The following PTPRU variants were observed in gnomAD, a reference collection of about 807,000 sequenced individuals.
PTPRU encodes receptor-type tyrosine-protein phosphatase U.
Under a neutral mutation model 166.3 loss-of-function variants are expected in PTPRU, and 69 were observed. That is an observed-to-expected ratio of 0.41 (90% CI 0.34 to 0.51). The LOEUF (loss-of-function observed/expected upper bound fraction) is 0.51, where lower values mean the gene tolerates loss of function less well. Among genes scored for constraint, PTPRU ranks in the 20% least tolerant of loss-of-function variants. The probability of loss-of-function intolerance (pLI) is 0.09; values close to 1 mark genes in which losing one functional copy is unlikely to be tolerated. For synonymous variants in PTPRU, 793 were observed against 814.0 expected (o/e 0.97, Z 0.44); for missense variants, 1,657 against 2,013.7 (o/e 0.82, Z 3.39).
intron 7 of PTPRU, among the ~76,000 whole-genome samples, chr1:29,270,264 C>T (rs1377049536): frequency 6.6e-6 from 1 of 152,086 alleles, no homozygotes; most frequent in Non-Finnish European, 1.5e-5. Context: ...TCATGTAACT[C>T]TCACATTTGC....
At chr1:29,273,672 G>A (rs1685672714) in intron 7 of PTPRU, among the ~76,000 whole-genome samples, 1 of 152,152 alleles carries the variant, frequency 6.6e-6, no homozygotes, top group Non-Finnish European at 1.5e-5. Context: ...CAAAGTGTTG[G>A]GATTACAGGC....
At position 29,320,941 on chromosome 1, in the gene PTPRU, G is replaced by A; in HGVS notation, c.3828+116G>A. On this transcript the variant is annotated intron_variant, in intron 26 of 29. Coordinates refer to ENST00000373779, the MANE Select transcript of PTPRU (RefSeq NM_133178.4). The surrounding 1 kb of genome is among the most constrained non-coding windows in gnomAD (Gnocchi z 5.2). Reference sequence around the variant, plus strand: ...CCCAGCTCTGCCATCTATTTATTGTGTGATGAATCATACACCTTCCCAGAG... The same window carrying A: ...CCCAGCTCTGCCATCTATTTATTGTATGATGAATCATACACCTTCCCAGAG... 8.3e-7 allele frequency: 1 copy of A among 1,211,528 alleles called. No homozygotes were observed. Among genetic ancestry groups the A allele is most frequent in the South Asian group, 2.0e-5 (1 of 49,814 alleles). 75.0% of individuals were successfully genotyped at this position (1,211,528 alleles called of 1,614,324 possible). A position where few individuals can be genotyped will look rare whatever the true frequency, so the allele number is the denominator to read the frequency against.
At chr1:29,276,400 C>T (rs558503111) in intron 8 of PTPRU, among the ~76,000 whole-genome samples, 4 of 152,206 alleles carry the variant, frequency 2.6e-5, no homozygotes, top group African/African-American at 4.8e-5. Context: ...ACTGCAGCCT[C>T]GACCTCCCAG....
intron 18 of PTPRU, chr1:29,307,073 C>G: frequency 1.3e-6 from 2 of 1,593,064 alleles, no homozygotes; most frequent in Non-Finnish European, 1.7e-6. Flanking sequence ...CCATCTGCCC[C>G]TGGCCTAATA....
Position 29,279,917 on chromosome 1 carries a change from AG to A in PTPRU, c.1766-120del, listed in dbSNP as rs1685983709. On this transcript the variant is annotated intron_variant, in intron 10 of 29. Transcript: ENST00000373779. This position sits in a 1 kb window ranked among gnomAD's most constrained non-coding sequence, Gnocchi z 5.2. ...CCAGGGTAGCTCAGGTCATGTCAGC[AG>A]GAACAAAGAGGCTAAGGCTGAAGTA... 9.1e-7 allele frequency: 1 copy of A among 1,096,894 alleles called. No homozygotes were observed. Among genetic ancestry groups the A allele is most frequent in the Non-Finnish European group, 1.3e-6 (1 of 758,174 alleles). The allele number at this position is 1,096,894 out of a possible 1,614,324, so 67.9% of individuals were successfully genotyped here.
At chr1:29,307,770 T>A (rs1447540841) in intron 18 of PTPRU, among the ~76,000 whole-genome samples, 1 of 96,894 alleles carries the variant, frequency 1.0e-5, no homozygotes, top group Non-Finnish European at 2.0e-5. Flanking sequence ...TTTTTTTTTT[T>A]TTTTTTTGAG....
intron 1 of PTPRU, 117 bp from the exon 2 acceptor site, chr1:29,255,158 A>T: frequency 1.6e-6 from 2 of 1,261,440 alleles, no homozygotes; most frequent in Non-Finnish European, 2.2e-6. Flanking sequence ...GAAGGGCCTG[A>T]AGAGAGGGAG....
intron 14 of PTPRU, among the ~76,000 whole-genome samples, chr1:29,288,256 G>A (rs570775188): frequency 2.6e-5 from 4 of 152,288 alleles, no homozygotes; most frequent in East Asian, 1.9e-4. Flanking sequence ...TGGGGAAACT[G>A]AGGGAGACAA....
intron 1 of PTPRU, among the ~76,000 whole-genome samples, chr1:29,239,606 A>G (rs140730638): frequency 0.01 from 1,581 of 152,176 alleles, 36 homozygotes; most frequent in African/African-American, 0.036. Flanking sequence ...CATGATTTTC[A>G]TCAGCTCAGC....
At chr1:29,316,217 A>G in intron 24 of PTPRU, 66 bp downstream of exon 24, 6 of 1,532,678 alleles carry the variant, frequency 3.9e-6, no homozygotes, top group African/African-American at 1.4e-5. Context: ...GGGCATCCTT[A>G]ATACTGCAGG....
In PTPRU at chr1:29,320,837, A is replaced by G; in HGVS notation, c.3828+12A>G. 6.4e-7 allele frequency: 1 copy of G among 1,559,398 alleles called. No individual in the cohort carries two copies. The highest frequency in any genetic ancestry group is 8.7e-7 in the Non-Finnish European group (1 of 1,144,108). Reference sequence around the variant, plus strand: ...CCAACTCCGCCTGGGTGAGGCCTCCACTGGCCAGGCCAATGGGCCGCCTGC... The same window carrying G: ...CCAACTCCGCCTGGGTGAGGCCTCCGCTGGCCAGGCCAATGGGCCGCCTGC... On this transcript the variant is annotated intron_variant, in intron 26 of 29. Transcript: ENST00000373779. This position sits in a 1 kb window ranked among gnomAD's most constrained non-coding sequence, Gnocchi z 5.2.
At chr1:29,248,945 C>T (rs548568754) in intron 1 of PTPRU, among the ~76,000 whole-genome samples, 12 of 152,300 alleles carry the variant, frequency 7.9e-5, no homozygotes, top group African/African-American at 1.7e-4. Context: ...TGCACACTCA[C>T]GCAACTGCAA....
intron 7 of PTPRU, among the ~76,000 whole-genome samples, chr1:29,262,979 A>AT (rs1553365848): frequency 6.6e-6 from 1 of 151,776 alleles, no homozygotes; most frequent in African/African-American, 2.4e-5. Flanking sequence ...CATTTATTTT[A>AT]TTATTTATTT....
In PTPRU at chr1:29,321,554, T is replaced by G. The variant is rs1688161315; in HGVS notation, c.3828+729T>G. ...CATTCCAGAGCTTCTGCTCTTTTAG[T>G]CACTCCACTAAAGCGCCCATCATGG... On this transcript the variant is annotated intron_variant, in intron 26 of 29. Coordinates refer to ENST00000373779, the MANE Select transcript of PTPRU (RefSeq NM_133178.4). 3.3e-5 allele frequency among the ~76,000 whole-genome samples: 5 copies of G among 152,350 alleles called. No homozygotes were observed. In the South Asian group the frequency reaches 1.0e-3, roughly 32 times the overall value.
intron 1 of PTPRU, among the ~76,000 whole-genome samples, chr1:29,247,967 C>T (rs929905753): frequency 6.6e-6 from 1 of 152,186 alleles, no homozygotes; most frequent in Non-Finnish European, 1.5e-5. Context: ...GGGCATACTG[C>T]TCCCAGCCCT....
rs192505872 is a variant in PTPRU at position 29,301,733 on chromosome 1, C to T, written c.2477-2122C>T. Among the ~76,000 whole-genome samples, 49 of 152,280 alleles carry T rather than the reference C, an allele frequency of 3.2e-4. 1 individual carries two copies. Among genetic ancestry groups the T allele is most frequent in the Admixed American group, 2.1e-3 (32 of 15,298 alleles). On this transcript the variant is annotated intron_variant, in intron 15 of 29. Coordinates refer to ENST00000373779, the MANE Select transcript of PTPRU (RefSeq NM_133178.4). ...TATCTCCTAATGCTATCCTTCCCCC[C>T]TCCCCTCATCCCATGACAGGCCCCG...
chr1:29,277,803 CTTTTTTTTTTTTTTTTTTTTTTT>C (rs71586898), intron 8 of PTPRU, among the ~76,000 whole-genome samples: 1 of 50,564 alleles, frequency 2.0e-5, no homozygotes. Flanking sequence ...AGTTGTCATT[CTTTTTTTTTTTTTTTTTTTTTTT>C]TTTTTTTTTT....
Position 29,260,121 on chromosome 1 carries a change from C to CG in PTPRU, c.850+82dup. The CG allele has an allele frequency of 1.5e-5, 5 of 336,474 alleles. No individual in the cohort carries two copies. Among genetic ancestry groups the CG allele is most frequent in the Non-Finnish European group, 2.3e-5 (5 of 218,358 alleles). The allele number at this position is 336,474 out of a possible 1,614,324, so 20.8% of individuals were successfully genotyped here. A position where few individuals can be genotyped will look rare whatever the true frequency, so the allele number is the denominator to read the frequency against. On this transcript the variant is annotated intron_variant, in intron 6 of 29. Transcript: ENST00000373779. This position sits in a 1 kb window ranked among gnomAD's most constrained non-coding sequence, Gnocchi z 8.3. ...GCCGGCGACGGGGGCGGGCTCTGCC[C>CG]GGGGGCGTGGCCGTGGGGGGTGGGG...
At chr1:29,261,375 G>A (rs1030863387) in intron 7 of PTPRU, among the ~76,000 whole-genome samples, 1 of 152,168 alleles carries the variant, frequency 6.6e-6, no homozygotes, top group African/African-American at 2.4e-5. Flanking sequence ...TCTTGTCTGG[G>A]TGTTGAGCCT....
Sources: gnomAD v4.1 joint callset for allele counts (sites outside exome capture counted in the v4.1 genomes callset) on GRCh38, gnomAD v4.1.1 for gene constraint, Gnocchi (gnomAD v3.1) non-coding constraint, MANE v1.5 for transcripts, NCBI Gene and HGNC (gene_info 2026-07-23, HGNC 2026-07-21) for gene names.